The following PARD3B variants were observed in gnomAD, a reference collection of about 807,000 sequenced individuals.
PARD3B encodes the protein partitioning defective 3 homolog B.
In PARD3B, 103 loss-of-function variants were observed where a neutral mutation model predicts 130.2. The observed-to-expected ratio is 0.79, with a 90% CI of 0.67 to 0.93. The LOEUF (loss-of-function observed/expected upper bound fraction) is 0.93, where lower values mean the gene tolerates loss of function less well. PARD3B is among the 40% of genes least tolerant of loss of function. PARD3B has a pLI of 0.00. For missense variants in PARD3B, 1,609 were observed against 1,499.2 expected, an observed-to-expected ratio of 1.07 and a Z score of -1.21; for synonymous variants, 583 against 553.2, an observed-to-expected ratio of 1.05 and a Z score of -0.76.
intron 2 of PARD3B, among the ~76,000 whole-genome samples, chr2:204,743,210 G>C (rs1343130754): frequency 6.6e-6 from 1 of 152,100 alleles, no homozygotes; most frequent in African/African-American, 2.4e-5. Flanking sequence ...GATTTTTGGA[G>C]AGAGCTCCTT....
chr2:204,801,721 G>C (rs1010870218), intron 2 of PARD3B, among the ~76,000 whole-genome samples: 1 of 152,046 alleles, frequency 6.6e-6, no homozygotes, highest in Admixed American at 6.6e-5. Flanking sequence ...TGAATGCTGC[G>C]GCCAGAACTT....
At chr2:204,645,933 A>T (rs528781170) in intron 1 of PARD3B, among the ~76,000 whole-genome samples, 1 of 152,208 alleles carries the variant, frequency 6.6e-6, no homozygotes, top group South Asian at 2.1e-4. Context: ...TGACTGCTAT[A>T]ACGTGTCTCT....
chr2:204,868,677 A>G (rs927200517), intron 2 of PARD3B, among the ~76,000 whole-genome samples: 1 of 152,120 alleles, frequency 6.6e-6, no homozygotes, highest in African/African-American at 2.4e-5. Context: ...CATCAATATC[A>G]CTTTTTACTG....
intron 1 of PARD3B, among the ~76,000 whole-genome samples, chr2:204,568,617 A>G (rs1309139497): frequency 6.6e-6 from 1 of 152,224 alleles, no homozygotes; most frequent in Admixed American, 6.5e-5. Context: ...TGTTGTTAGA[A>G]TACCAATTAG....
intron 4 of PARD3B, among the ~76,000 whole-genome samples, chr2:205,079,110 A>T (rs1357326133): frequency 6.6e-6 from 1 of 152,212 alleles, no homozygotes; most frequent in Non-Finnish European, 1.5e-5. Flanking sequence ...ATTGCTTTAT[A>T]CCACTGAGTT....
At chr2:204,797,777 CTT>C (rs1559152697) in intron 2 of PARD3B, among the ~76,000 whole-genome samples, 1 of 151,928 alleles carries the variant, frequency 6.6e-6, no homozygotes, top group Admixed American at 6.6e-5. Context: ...CAACAGAAGA[CTT>C]TTTTTGGAAG....
intron 16 of PARD3B, among the ~76,000 whole-genome samples, chr2:205,285,656 G>A (rs769718551): frequency 5.3e-5 from 8 of 152,070 alleles, no homozygotes; most frequent in African/African-American, 1.7e-4. Flanking sequence ...CTCCGCTGTC[G>A]CCCACTCTGT....
chr2:205,608,613 C>T (rs1186656600), intron 22 of PARD3B, among the ~76,000 whole-genome samples: 2 of 152,132 alleles, frequency 1.3e-5, no homozygotes, highest in Admixed American at 6.5e-5. Flanking sequence ...ACTTTAAAAA[C>T]CTCTCATCCC....
chr2:204,873,814 G>GGC (rs2045731622), intron 2 of PARD3B, among the ~76,000 whole-genome samples: 1 of 152,042 alleles, frequency 6.6e-6, no homozygotes, highest in African/African-American at 2.4e-5. Flanking sequence ...AGAAGAGGCA[G>GGC]GCTAATAGTA....
At chr2:205,234,403 T>A (rs183758634) in intron 15 of PARD3B, among the ~76,000 whole-genome samples, 104 of 152,314 alleles carry the variant, frequency 6.8e-4, no homozygotes, top group Non-Finnish European at 1.0e-3. Flanking sequence ...AATGGTCACA[T>A]TGATATCAGA....
rs1375757966 is a variant in PARD3B at position 205,591,160 on chromosome 2, A to G, written c.3261-24296A>G. On this transcript the variant is annotated intron_variant, in intron 22 of 22. Coordinates refer to ENST00000406610, the MANE Select transcript of PARD3B (RefSeq NM_001302769.2). This position sits in a 1 kb window ranked among gnomAD's most constrained non-coding sequence, Gnocchi z 4.2. Reference sequence around the variant, plus strand: ...CATCAATGTAGACCCACCAAGGAGTAGCAGTTAGACATCTAGAATATAACT... The same window carrying G: ...CATCAATGTAGACCCACCAAGGAGTGGCAGTTAGACATCTAGAATATAACT... Among the ~76,000 whole-genome samples, 1 of 151,272 alleles carries G rather than the reference A, an allele frequency of 6.6e-6. No homozygotes were observed. Among genetic ancestry groups the G allele is most frequent in the African/African-American group, 2.4e-5 (1 of 41,160 alleles).
chr2:205,197,770 T>G (rs971551021), intron 15 of PARD3B, among the ~76,000 whole-genome samples: 2 of 152,186 alleles, frequency 1.3e-5, no homozygotes, highest in Admixed American at 6.6e-5. Context: ...TCCTACTAAT[T>G]GTAGACTTTT....
At chr2:205,045,784 CACAT>C (rs925533744) in intron 3 of PARD3B, among the ~76,000 whole-genome samples, 10 of 151,874 alleles carry the variant, frequency 6.6e-5, no homozygotes, top group African/African-American at 1.5e-4. Context: ...CACACACACA[CACAT>C]ACATATATAT....
intron 18 of PARD3B, among the ~76,000 whole-genome samples, chr2:205,339,610 T>G (rs1184184514): frequency 6.6e-6 from 1 of 152,206 alleles, no homozygotes; most frequent in African/African-American, 2.4e-5. Context: ...AATGTTAATT[T>G]TAGTCAGTAG....
chr2:204,760,458 A>G (rs1198146102), intron 2 of PARD3B, among the ~76,000 whole-genome samples: 2 of 152,086 alleles, frequency 1.3e-5, no homozygotes, highest in African/African-American at 4.8e-5. Context: ...ACTGACATTG[A>G]GCAGTATTTT....
intron 16 of PARD3B, among the ~76,000 whole-genome samples, chr2:205,279,500 A>G (rs2041106630): frequency 6.6e-6 from 1 of 152,182 alleles, no homozygotes; most frequent in African/African-American, 2.4e-5. Flanking sequence ...TCACAATGGC[A>G]TTATTAAAAC....
chr2:204,597,326 A>G (rs1029957810), intron 1 of PARD3B, among the ~76,000 whole-genome samples: 4 of 152,042 alleles, frequency 2.6e-5, no homozygotes, highest in African/African-American at 9.7e-5. Context: ...AATCCTCACT[A>G]ATAAATATGG....
chr2:205,002,620 G>T (rs773213547), intron 3 of PARD3B, among the ~76,000 whole-genome samples: 1 of 151,978 alleles, frequency 6.6e-6, no homozygotes, highest in Non-Finnish European at 1.5e-5. Context: ...ATCCTCTCGC[G>T]CTCTGATGTC....
chr2:205,499,957 G>T lies in PARD3B; in HGVS notation c.3106G>T (p.Ala1036Ser). The T allele has an allele frequency of 6.2e-7, 1 of 1,613,878 alleles. No homozygotes were observed. Among genetic ancestry groups the T allele is most frequent in the Non-Finnish European group, 8.5e-7 (1 of 1,179,766 alleles). Residue 1036 changes from alanine to serine, a missense_variant, in exon 21 of 23, where the codon GCT becomes TCT. Physicochemically the swap from Ala to Ser is moderately conservative, Grantham distance 99. Transcript: ENST00000406610. Reference sequence around the variant, plus strand: ...GAAGTTGCGGAAAGAGTATTATCAGGCTCGGAGGGAAGGTTTCCCTTTATA... The same window carrying T: ...GAAGTTGCGGAAAGAGTATTATCAGTCTCGGAGGGAAGGTTTCCCTTTATA... ...IQKLRKEYYQ[A>S]RREGFPLYED...
Sources: gnomAD v4.1 joint callset for allele counts (sites outside exome capture counted in the v4.1 genomes callset) on GRCh38, gnomAD v4.1.1 for gene constraint, Gnocchi (gnomAD v3.1) non-coding constraint, MANE v1.5 for transcripts, NCBI Gene and HGNC (gene_info 2026-07-23, HGNC 2026-07-21) for gene names.